Variants in PARD3B observed in about 807,000 individuals in gnomAD.
PARD3B encodes par-3 family cell polarity regulator beta, also known as partitioning defective 3 homolog B.
A neutral mutation model predicts 130.2 loss-of-function variants in PARD3B; 103 were observed. The ratio of observed to expected loss-of-function variants is 0.79; its 90% CI spans 0.67 to 0.93. PARD3B has a LOEUF of 0.93. Among genes scored for constraint, PARD3B ranks in the 40% least tolerant of loss-of-function variants. The pLI is 0.00. For synonymous variants in PARD3B, 583 were observed against 553.2 expected, an observed-to-expected ratio of 1.05 and a Z score of -0.76; for missense variants, 1,609 against 1,499.2, an observed-to-expected ratio of 1.07 and a Z score of -1.21.
At chr2:205,255,783 A>G (rs1338030951) in intron 16 of PARD3B, among the ~76,000 whole-genome samples, 1 of 152,186 alleles carries the variant, frequency 6.6e-6, no homozygotes, top group Non-Finnish European at 1.5e-5. Flanking sequence ...AGGAGCTTCC[A>G]TGCACTCTCT....
intron 19 of PARD3B, among the ~76,000 whole-genome samples, chr2:205,425,973 T>G (rs2047131026): frequency 6.6e-6 from 1 of 152,200 alleles, no homozygotes; most frequent in Non-Finnish European, 1.5e-5. Context: ...ATGTCAAATT[T>G]ACTGTACAGA....
At chr2:205,098,764 G>A (rs896086563) in intron 4 of PARD3B, among the ~76,000 whole-genome samples, 1 of 152,108 alleles carries the variant, frequency 6.6e-6, no homozygotes. Flanking sequence ...GTGAGCACTT[G>A]CAGTTGTTAG....
chr2:205,176,460 G>C lies in PARD3B; in HGVS notation c.1807G>C (p.Gly603Arg). The C allele has an allele frequency of 6.2e-7, 1 of 1,610,396 alleles. No individual in the cohort carries two copies. Among genetic ancestry groups the C allele is most frequent in the South Asian group, 1.1e-5 (1 of 90,200 alleles). Reference protein sequence around the residue: ...ERPMEDPAECGAFSKPCFENC... With the variant: ...ERPMEDPAECRAFSKPCFENC... ...TATCTCTTAGGATCCTGCAGAGTGT[G>C]GGGCATTTTCCAAGCCATGCTTTGA... is the stretch of plus-strand genomic sequence containing the variant. The change falls in exon 13 of 23, where the codon GGG (glycine) becomes CGG (arginine). Residue 603 changes from glycine to arginine, a missense_variant. Transcript: ENST00000406610. The surrounding 1 kb of genome is among the most constrained non-coding windows in gnomAD (Gnocchi z 5.3).
At chr2:204,619,153 T>C (rs190796616) in intron 1 of PARD3B, among the ~76,000 whole-genome samples, 6 of 152,282 alleles carry the variant, frequency 3.9e-5, no homozygotes, top group African/African-American at 1.4e-4. Flanking sequence ...ATTGGGTTTG[T>C]GGCTGTTCAG....
At chr2:205,542,139 G>A (rs369514682) in intron 21 of PARD3B, among the ~76,000 whole-genome samples, 5 of 69,886 alleles carry the variant, frequency 7.2e-5, no homozygotes, top group South Asian at 7.3e-4. Flanking sequence ...GTGAAACTCC[G>A]TCTCCAAAAA....
chr2:204,924,463 C>G (rs1268286054), intron 2 of PARD3B, among the ~76,000 whole-genome samples: 2 of 151,916 alleles, frequency 1.3e-5, no homozygotes, highest in Admixed American at 6.6e-5. Flanking sequence ...GGAAAAGTTA[C>G]AAGCATATGT....
At chr2:204,773,804 C>G (rs1484148799) in intron 2 of PARD3B, among the ~76,000 whole-genome samples, 1 of 152,026 alleles carries the variant, frequency 6.6e-6, no homozygotes, top group African/African-American at 2.4e-5. Context: ...TTCTCTTCCA[C>G]GTACCCCGCT....
At chr2:205,594,084 G>T (rs1029091188) in intron 22 of PARD3B, among the ~76,000 whole-genome samples, 7 of 152,170 alleles carry the variant, frequency 4.6e-5, no homozygotes, top group Admixed American at 4.6e-4. Flanking sequence ...GTTCATCTTG[G>T]CCTGGAGCCT....
At chr2:205,227,700 A>G (rs2038632225) in intron 15 of PARD3B, among the ~76,000 whole-genome samples, 1 of 152,144 alleles carries the variant, frequency 6.6e-6, no homozygotes, top group Non-Finnish European at 1.5e-5. Flanking sequence ...ATTGATAAGT[A>G]AGGTCTTACT....
intron 1 of PARD3B, among the ~76,000 whole-genome samples, chr2:204,674,103 G>A (rs2036427435): frequency 6.6e-6 from 1 of 152,156 alleles, no homozygotes; most frequent in Admixed American, 6.5e-5. Context: ...AATGTCAGAA[G>A]TAGTGCTGGG....
chr2:205,385,462 C>T (rs1287127643), intron 18 of PARD3B, among the ~76,000 whole-genome samples: 3 of 152,126 alleles, frequency 2.0e-5, no homozygotes, highest in Admixed American at 6.6e-5. Flanking sequence ...CATGTTCCAG[C>T]TTCGTTAATT....
intron 15 of PARD3B, among the ~76,000 whole-genome samples, chr2:205,242,920 G>A (rs1428621479): frequency 2.0e-5 from 3 of 151,890 alleles, no homozygotes; most frequent in East Asian, 1.9e-4. Flanking sequence ...TAATCCCAGC[G>A]CTTTGGGAGG....
intron 2 of PARD3B, among the ~76,000 whole-genome samples, chr2:204,796,259 T>C (rs2042372766): frequency 6.6e-6 from 1 of 152,216 alleles, no homozygotes; most frequent in African/African-American, 2.4e-5. Flanking sequence ...GAAGTACAGT[T>C]AGCCTGGTAT....
At chr2:204,815,557 A>G (rs1262326139) in intron 2 of PARD3B, among the ~76,000 whole-genome samples, 1 of 151,680 alleles carries the variant, frequency 6.6e-6, no homozygotes, top group Non-Finnish European at 1.5e-5. Context: ...TACCATTTCC[A>G]TTTTGCTGCT....
chr2:205,120,972 A>G (rs1028559219), intron 7 of PARD3B, among the ~76,000 whole-genome samples: 3 of 152,236 alleles, frequency 2.0e-5, no homozygotes, highest in African/African-American at 7.2e-5. Flanking sequence ...CATAAAAGTG[A>G]AAAACACAGT....
chr2:205,247,787 GAGTCAC>G (rs1373086864), intron 16 of PARD3B, among the ~76,000 whole-genome samples: 1 of 152,180 alleles, frequency 6.6e-6, no homozygotes, highest in African/African-American at 2.4e-5. Context: ...ATATACTGTA[GAGTCAC>G]ATTAAATGAG....
At chr2:205,412,694 C>A (rs527332740) in intron 19 of PARD3B, among the ~76,000 whole-genome samples, 15 of 152,264 alleles carry the variant, frequency 9.9e-5, no homozygotes, top group Admixed American at 9.2e-4. Flanking sequence ...AATGTTCATA[C>A]TTTCTGAGAT....
At chr2:204,709,333 CAA>C (rs1365823465) in intron 2 of PARD3B, among the ~76,000 whole-genome samples, 9 of 152,108 alleles carry the variant, frequency 5.9e-5, no homozygotes, top group African/African-American at 9.7e-5. Context: ...AAAACAGTAC[CAA>C]GAGAGAAAAC....
intron 18 of PARD3B, among the ~76,000 whole-genome samples, chr2:205,324,260 A>C (rs2042861109): frequency 6.6e-6 from 1 of 152,196 alleles, no homozygotes; most frequent in Non-Finnish European, 1.5e-5. Context: ...TTATACATTT[A>C]ACATCTTTAA....
Sources: gnomAD v4.1 joint callset for allele counts (sites outside exome capture counted in the v4.1 genomes callset) on GRCh38, gnomAD v4.1.1 for gene constraint, Gnocchi (gnomAD v3.1) non-coding constraint, MANE v1.5 for transcripts, NCBI Gene and HGNC (gene_info 2026-07-23, HGNC 2026-07-21) for gene names.